Variants in GATAD2A observed in about 807,000 individuals in gnomAD.
GATAD2A encodes the protein transcriptional repressor p66-alpha.
Under a neutral mutation model 68.5 loss-of-function variants are expected in GATAD2A, and 12 were observed. That is an observed-to-expected ratio of 0.18 (90% CI 0.11 to 0.28). The LOEUF is 0.28. Ranked by LOEUF, GATAD2A falls within the 10% of genes least tolerant of loss-of-function variation. The pLI, the probability that GATAD2A is intolerant of heterozygous loss-of-function variation, is 1.00. For missense variants in GATAD2A, 755 were observed against 868.5 expected (o/e 0.87, Z 1.64); for synonymous variants, 410 against 375.3 (o/e 1.09, Z -1.07).
At chr19:19,434,930 C>G in intron 1 of GATAD2A, 1 of 306,408 alleles carries the variant, frequency 3.3e-6, no homozygotes, top group East Asian at 9.2e-5. Context: ...ACATCATGCC[C>G]TCATCTTGAG....
chr19:19,487,521 G>A (rs969787232), intron 2 of GATAD2A, among the ~76,000 whole-genome samples: 26 of 152,216 alleles, frequency 1.7e-4, no homozygotes, highest in Admixed American at 1.6e-3. Context: ...CACTGGGCTG[G>A]GGGTGGCTAA....
intron 2 of GATAD2A, among the ~76,000 whole-genome samples, chr19:19,486,303 C>G (rs998165405): frequency 3.3e-5 from 5 of 152,262 alleles, no homozygotes; most frequent in Non-Finnish European, 7.3e-5. Context: ...GGCCTGTTTG[C>G]TGCCCTTATC....
chr19:19,396,946 A>G (rs2146910479), intron 1 of GATAD2A, among the ~76,000 whole-genome samples: 2 of 152,116 alleles, frequency 1.3e-5, no homozygotes, highest in Non-Finnish European at 1.5e-5. Flanking sequence ...TGACCTCGTA[A>G]TCTGCCCAAC....
At chr19:19,505,315 T>C (rs1681947589) in intron 11 of GATAD2A, 29 bp from the exon 12 acceptor site, 2 of 1,610,224 alleles carry the variant, frequency 1.2e-6, no homozygotes, top group South Asian at 2.2e-5. Flanking sequence ...ACGAGGGCCT[T>C]CTCAGCTGGT....
At chr19:19,488,042 T>C (rs2059556778) in intron 2 of GATAD2A, among the ~76,000 whole-genome samples, 1 of 152,216 alleles carries the variant, frequency 6.6e-6, no homozygotes, top group Non-Finnish European at 1.5e-5. Context: ...CTACAGGTCA[T>C]GGTCATCCCT....
At chr19:19,397,022 G>A (rs1189088671) in intron 1 of GATAD2A, among the ~76,000 whole-genome samples, 1 of 152,102 alleles carries the variant, frequency 6.6e-6, no homozygotes, top group Non-Finnish European at 1.5e-5. Flanking sequence ...TTTCTTAAGT[G>A]GCTAGGTGTT....
chr19:19,462,600 C>T (rs1178627679), intron 1 of GATAD2A, among the ~76,000 whole-genome samples: 1 of 152,224 alleles, frequency 6.6e-6, no homozygotes, highest in Non-Finnish European at 1.5e-5. Context: ...GAGTACACGC[C>T]AGCCAGCCCT....
intron 1 of GATAD2A, among the ~76,000 whole-genome samples, chr19:19,463,510 G>A (rs1033299502): frequency 6.6e-5 from 10 of 150,598 alleles, no homozygotes; most frequent in Non-Finnish European, 1.0e-4. Flanking sequence ...GAGCAGGAGC[G>A]GGGGCGGGGG....
intron 1 of GATAD2A, among the ~76,000 whole-genome samples, chr19:19,450,456 T>C (rs1017649424): frequency 7.9e-5 from 12 of 152,150 alleles, no homozygotes; most frequent in African/African-American, 2.9e-4. Context: ...CTCATATTTA[T>C]GTATTTGGTG....
intron 1 of GATAD2A, among the ~76,000 whole-genome samples, chr19:19,418,942 A>G (rs1340303168): frequency 6.6e-6 from 1 of 152,074 alleles, no homozygotes; most frequent in African/African-American, 2.4e-5. Context: ...TTTGGGGTGG[A>G]AGTGAAGTAT....
At chr19:19,432,633 C>T (rs1440309163) in intron 1 of GATAD2A, among the ~76,000 whole-genome samples, 7 of 152,114 alleles carry the variant, frequency 4.6e-5, no homozygotes, top group South Asian at 4.1e-4. Flanking sequence ...GTTTTCAATT[C>T]GGGATGCAGA....
In GATAD2A at chr19:19,471,252, C is replaced by CA. The variant is rs536811641; in HGVS notation, c.269+5657dup. On this transcript the variant is annotated intron_variant, in intron 2 of 11. Transcript: ENST00000683918. Reference sequence around the variant, plus strand: ...GCCTGGTGACAGAACAAGACTGTCTCAAAAAAAAAAAAAAAAAAAGTGGAA... The same window carrying CA: ...GCCTGGTGACAGAACAAGACTGTCTCAAAAAAAAAAAAAAAAAAAAGTGGAA... 6.1e-3 allele frequency among the ~76,000 whole-genome samples: 643 copies of CA among 105,392 alleles called. 4 individuals carry two copies. The highest frequency in any genetic ancestry group is 0.011 in the Middle Eastern group (2 of 190). The allele number at this position is 105,392 out of a possible 152,430, so 69.1% of individuals were successfully genotyped here.
At position 19,505,461 on chromosome 19, in the gene GATAD2A, C is replaced by T; in HGVS notation, c.1892C>T (p.Ala631Val). The stretch of plus-strand genomic sequence containing the variant: ...CCACCCCGCTCCATCCCCCAGTCAG[C>T]CACGTGGAAATAGTGCGAGCCAGGC... ...MIPPRSIPQS[A>V]TWK is the part of the protein sequence containing the mutation. The change falls in exon 12 of 12, where the codon GCC becomes GTC. Residue 631 changes from alanine (A) to valine (V), a missense_variant. Ala to Val is a moderately conservative substitution (Grantham distance 64). Transcript: ENST00000683918. 6.2e-7 allele frequency: 1 copy of T among 1,603,576 alleles called. No homozygotes were observed.
rs1197643432 is a variant in GATAD2A at position 19,496,238 on chromosome 19, TGTGCCAGG to T, written c.924+21_924+28del. The T allele has an allele frequency of 6.2e-7, 1 of 1,609,958 alleles. No homozygotes were observed. The highest frequency in any genetic ancestry group is 8.5e-7 in the Non-Finnish European group (1 of 1,177,508). On this transcript the variant is annotated intron_variant, in intron 7 of 11. Transcript: ENST00000683918. ...CCCACAGGTGAGGGCTGCGCCACAC[TGTGCCAGG>T]GAGAGTGTGTGTCCCACCTGTGACT...
At chr19:19,412,034 T>G (rs2050995151) in intron 1 of GATAD2A, among the ~76,000 whole-genome samples, 2 of 151,462 alleles carry the variant, frequency 1.3e-5, no homozygotes, top group Admixed American at 6.6e-5. Flanking sequence ...AGCCCAGTAG[T>G]TCGAGACCCG....
intron 1 of GATAD2A, chr19:19,457,014 A>G (rs2056995186): frequency 1.6e-5 from 12 of 759,376 alleles, no homozygotes; most frequent in Non-Finnish European, 1.9e-5. Flanking sequence ...AAGGAGCAAC[A>G]GATTTGGATG....
intron 1 of GATAD2A, among the ~76,000 whole-genome samples, chr19:19,460,469 C>T (rs765134161): frequency 6.6e-6 from 1 of 152,204 alleles, no homozygotes; most frequent in Non-Finnish European, 1.5e-5. Flanking sequence ...CTGGTTGCTT[C>T]ATGGGCCCTT....
intron 2 of GATAD2A, among the ~76,000 whole-genome samples, chr19:19,490,543 T>C (rs904783871): frequency 2.6e-5 from 4 of 152,112 alleles, no homozygotes; most frequent in African/African-American, 4.8e-5. Context: ...CCGAGTTTGT[T>C]CTCTGGGTCA....
chr19:19,400,676 A>ATCTTT (rs750543965), upstream of GATAD2A, among the ~76,000 whole-genome samples: 346 of 152,290 alleles, frequency 2.3e-3, 1 homozygote, highest in Non-Finnish European at 3.7e-3. Flanking sequence ...TTAATAATTA[A>ATCTTT]TCTTTTCTTT....
Sources: allele counts gnomAD v4.1 joint callset (sites outside exome capture counted in the v4.1 genomes callset), GRCh38; gene constraint gnomAD v4.1.1; transcripts MANE v1.5; gene names NCBI Gene and HGNC (gene_info 2026-07-23, HGNC 2026-07-21).